Variants in RSU1 observed in about 807,000 individuals in gnomAD.
RSU1 encodes rsu-1.
A neutral mutation model predicts 31.1 loss-of-function variants in RSU1; 26 were observed. That is an observed-to-expected ratio of 0.84 (90% confidence interval 0.61 to 1.16). RSU1 has a LOEUF of 1.16. RSU1 is among the 50% of genes most tolerant of loss of function. The pLI, the probability that RSU1 is intolerant of heterozygous loss-of-function variation, is 0.00. For synonymous variants in RSU1, 164 were observed against 136.3 expected (o/e 1.20, Z -1.41); for missense variants, 320 against 339.1 (o/e 0.94, Z 0.44).
chr10:16,769,411 A>T (rs182459985), intron 3 of RSU1, among the ~76,000 whole-genome samples: 1 of 152,390 alleles, frequency 6.6e-6, no homozygotes, highest in Admixed American at 6.5e-5. Flanking sequence ...AGAGCTTGAC[A>T]GCCACATGTG....
chr10:16,772,407 G>C (rs1468398017), intron 3 of RSU1, among the ~76,000 whole-genome samples: 2 of 152,008 alleles, frequency 1.3e-5, no homozygotes, highest in Non-Finnish European at 2.9e-5. Flanking sequence ...AATCTTGCAG[G>C]AACACCACTT....
At chr10:16,779,279 A>G (rs180890142) in intron 3 of RSU1, among the ~76,000 whole-genome samples, 6 of 152,350 alleles carry the variant, frequency 3.9e-5, no homozygotes, top group African/African-American at 1.2e-4. Flanking sequence ...TATGAACTGC[A>G]GTATTTAAAA....
Position 16,598,649 on chromosome 10 carries a change from A to C in RSU1, c.732-5153T>G, listed in dbSNP as rs73599194. Among the ~76,000 whole-genome samples the C allele has an allele frequency of 3.9e-3, 596 of 152,360 alleles. 5 individuals carry two copies. Among genetic ancestry groups the C allele is most frequent in the African/African-American group, 0.014 (574 of 41,594 alleles). ...AGATGGGGAAAGGGGCTATGAACCA[A>C]GGAACACAGGTGGTCTGTGTAAGCC... On this transcript the variant is annotated intron_variant, in intron 8 of 8. Transcript: ENST00000345264.
chr10:16,769,180 G>A (rs551540494), intron 3 of RSU1, among the ~76,000 whole-genome samples: 1 of 152,320 alleles, frequency 6.6e-6, no homozygotes, highest in East Asian at 1.9e-4. Flanking sequence ...GTTGAATAGA[G>A]TAAGGAAGAT....
At chr10:16,782,818 C>T (rs1255325495) in intron 2 of RSU1, among the ~76,000 whole-genome samples, 1 of 151,934 alleles carries the variant, frequency 6.6e-6, no homozygotes, top group Non-Finnish European at 1.5e-5. Context: ...GAAATGATCT[C>T]CCCTCTACTC....
At chr10:16,705,354 C>T (rs1324290739) in intron 7 of RSU1, among the ~76,000 whole-genome samples, 1 of 152,190 alleles carries the variant, frequency 6.6e-6, no homozygotes, top group African/African-American at 2.4e-5. Flanking sequence ...AACCTATACA[C>T]ATCCTCTGTA....
chr10:16,647,538 A>G (rs1834594784), intron 8 of RSU1, among the ~76,000 whole-genome samples: 1 of 152,242 alleles, frequency 6.6e-6, no homozygotes, highest in Non-Finnish European at 1.5e-5. Flanking sequence ...GTAAAACCAT[A>G]TAGTATGATG....
chr10:16,810,517 G>C (rs901578828), intron 2 of RSU1, among the ~76,000 whole-genome samples: 1 of 151,988 alleles, frequency 6.6e-6, no homozygotes, highest in Non-Finnish European at 1.5e-5. Flanking sequence ...GTGTGGCAAC[G>C]GCTGTTCCTC....
At chr10:16,647,907 T>C (rs1834601696) in intron 8 of RSU1, among the ~76,000 whole-genome samples, 2 of 152,134 alleles carry the variant, frequency 1.3e-5, no homozygotes, top group South Asian at 4.1e-4. Flanking sequence ...GACTGGCACA[T>C]AGGCAGGAAT....
At chr10:16,673,283 T>C (rs1835152757) in intron 8 of RSU1, among the ~76,000 whole-genome samples, 1 of 152,256 alleles carries the variant, frequency 6.6e-6, no homozygotes, top group Admixed American at 6.5e-5. Context: ...GTTTCTCTTT[T>C]GTATAGCATG....
At chr10:16,704,084 A>T (rs1835847177) in intron 7 of RSU1, among the ~76,000 whole-genome samples, 2 of 152,212 alleles carry the variant, frequency 1.3e-5, no homozygotes, top group Non-Finnish European at 2.9e-5. Context: ...TTCTTTCACA[A>T]GGATAAAATT....
intron 4 of RSU1, among the ~76,000 whole-genome samples, chr10:16,755,995 A>G (rs1253368122): frequency 1.3e-5 from 2 of 152,252 alleles, no homozygotes; most frequent in African/African-American, 2.4e-5. Context: ...CTTTCCTTGT[A>G]AAGAACAACT....
At chr10:16,790,644 C>A (rs1178367160) in intron 2 of RSU1, among the ~76,000 whole-genome samples, 1 of 152,098 alleles carries the variant, frequency 6.6e-6, no homozygotes, top group East Asian at 1.9e-4. Flanking sequence ...GGCTCTGTGT[C>A]CCCTCCTAAA....
chr10:16,807,022 C>CGCTGGGATTACAGCAGGCATGAGTCAG (rs1184459541), intron 2 of RSU1, among the ~76,000 whole-genome samples: 7 of 152,000 alleles, frequency 4.6e-5, no homozygotes, highest in Non-Finnish European at 8.8e-5. Context: ...CCTCCGGAAG[C>CGCTGGGATTACAGCAGGCATGAGTCAG]GCTGGGATTA....
chr10:16,645,426 GAAAAT>G (rs1486678289), intron 8 of RSU1, among the ~76,000 whole-genome samples: 1 of 151,008 alleles, frequency 6.6e-6, no homozygotes, highest in Non-Finnish European at 1.5e-5. Flanking sequence ...CATTTCATTG[GAAAAT>G]AAACTTTTCC....
chr10:16,817,058 C>T lies in RSU1; in HGVS notation c.24G>A (p.Leu8=), dbSNP rs753936851. The change falls in exon 2 of 9, where the codon TTG becomes TTA. Residue 8 remains leucine, a synonymous_variant. Coordinates refer to ENST00000345264, the MANE Select transcript of RSU1 (RefSeq NM_012425.4). The part of the protein sequence containing the change: MSKSLKK[L]VEESREKNQP... ...GGTTCTTCTCCCGGCTCTCCTCCAC[C>T]AACTTCTTCAGAGACTTGGACATGG... The T allele has an allele frequency of 6.2e-7, 1 of 1,614,018 alleles. No homozygotes were observed. The highest frequency in any genetic ancestry group is 8.5e-7 in the Non-Finnish European group (1 of 1,179,836).
At chr10:16,811,566 G>C (rs555294051) in intron 2 of RSU1, among the ~76,000 whole-genome samples, 1 of 152,204 alleles carries the variant, frequency 6.6e-6, no homozygotes, top group African/African-American at 2.4e-5. Context: ...AGGGCCACTA[G>C]AGCCAGAATG....
rs1007800304 is a variant in RSU1, at chr10:16,592,603, C to A, written c.*791G>T. On this transcript the variant is annotated 3_prime_UTR_variant, in exon 9 of 9. Transcript: ENST00000345264. ...CTCTCTCTTTCACAGTTCTTGTCTA[C>A]CAGCCCCTGGCAGAAATCACCATTT... The A allele has an allele frequency of 1.3e-5, 2 of 152,148 alleles. No individual in the cohort carries two copies. Among genetic ancestry groups the A allele is most frequent in the Non-Finnish European group, 2.9e-5 (2 of 68,042 alleles). The allele number at this position is 152,148 out of a possible 1,614,324, so 9.4% of individuals were successfully genotyped here.
chr10:16,755,055 C>T, intron 4 of RSU1, 66 bp from the exon 5 acceptor site: 1 of 907,140 alleles, frequency 1.1e-6, no homozygotes, highest in Non-Finnish European at 1.8e-6. Context: ...CTATCAAGGG[C>T]ACCTCTGTTT....
Sources: allele counts gnomAD v4.1 joint callset (sites outside exome capture counted in the v4.1 genomes callset), GRCh38; gene constraint gnomAD v4.1.1; transcripts MANE v1.5; gene names NCBI Gene and HGNC (gene_info 2026-07-23, HGNC 2026-07-21).